Variants in GNG12 observed in about 807,000 individuals in gnomAD.
GNG12 encodes guanine nucleotide-binding protein G(I)/G(S)/G(O) subunit gamma-12.
For missense variants in GNG12, 69 were observed against 83.8 expected (o/e 0.82, Z 0.69); for synonymous variants, 28 against 29.7 (o/e 0.94, Z 0.19).
At chr1:67,752,870 C>A (rs1194173635) in intron 2 of GNG12, among the ~76,000 whole-genome samples, 1 of 152,260 alleles carries the variant, frequency 6.6e-6, no homozygotes, top group South Asian at 2.1e-4. Flanking sequence ...ACACTAAGTG[C>A]CAATTTATGT....
At chr1:67,708,311 T>C (rs1457177263) in intron 2 of GNG12, among the ~76,000 whole-genome samples, 1 of 152,120 alleles carries the variant, frequency 6.6e-6, no homozygotes, top group South Asian at 2.1e-4. Context: ...CATGAAAGAG[T>C]GAAAACTTTC....
intron 2 of GNG12, among the ~76,000 whole-genome samples, chr1:67,719,468 G>C (rs1211196813): frequency 1.3e-5 from 2 of 152,070 alleles, no homozygotes; most frequent in Non-Finnish European, 2.9e-5. Flanking sequence ...CTTATGTTTT[G>C]CTTTTTTTTG....
chr1:67,815,582 T>A (rs1215589121), intron 1 of GNG12, among the ~76,000 whole-genome samples: 1 of 152,210 alleles, frequency 6.6e-6, no homozygotes, highest in Admixed American at 6.5e-5. Context: ...AGCGGTGACG[T>A]TCTTCCTTCA....
At chr1:67,723,372 G>A (rs902053140) in intron 2 of GNG12, among the ~76,000 whole-genome samples, 2 of 152,158 alleles carry the variant, frequency 1.3e-5, no homozygotes, top group Non-Finnish European at 2.9e-5. Flanking sequence ...GGAAACAGAG[G>A]GAGTGTTAGG....
chr1:67,709,906 ATATAGTTATATATATAGT>A (rs1646273925), intron 2 of GNG12, among the ~76,000 whole-genome samples: 1 of 54,914 alleles, frequency 1.8e-5, no homozygotes, highest in African/African-American at 6.7e-5. Flanking sequence ...ATATATTTTT[ATATAGTTATATATATAGT>A]TATATATATA....
intron 2 of GNG12, among the ~76,000 whole-genome samples, chr1:67,747,871 A>G (rs192110200): frequency 1.1e-4 from 17 of 152,338 alleles, no homozygotes; most frequent in Admixed American, 1.1e-3. Context: ...TGGATCTTCT[A>G]ATTGTCCAGG....
At position 67,786,925 on chromosome 1, in the gene GNG12, T is replaced by TTATATA. The variant is rs371809712; in HGVS notation, c.-76-9424_-76-9419dup. ...GCACTCCAGCCTAGGTAACAGAGACTTATATATATATGTGTGTGTGTGTGT... is the reference window on the plus strand; with the variant it reads ...GCACTCCAGCCTAGGTAACAGAGACTTATATATATATATATATGTGTGTGTGTGTGT... On this transcript the variant is annotated intron_variant, in intron 1 of 3. Coordinates refer to ENST00000370982, the MANE Select transcript of GNG12 (RefSeq NM_018841.6). Among the ~76,000 whole-genome samples the TTATATA allele has an allele frequency of 5.1e-3, 389 of 75,770 alleles. 1 individual carries two copies. The highest frequency in any genetic ancestry group is 0.02 in the African/African-American group (336 of 16,682). The allele number at this position is 75,770 out of a possible 152,430, so 49.7% of individuals were successfully genotyped here. A position where few individuals can be genotyped will look rare whatever the true frequency, so the allele number is the denominator to read the frequency against.
intron 3 of GNG12, among the ~76,000 whole-genome samples, chr1:67,706,493 G>A (rs1646248743): frequency 6.6e-6 from 1 of 152,128 alleles, no homozygotes; most frequent in Non-Finnish European, 1.5e-5. Context: ...CTGGGAGGGA[G>A]ATCCTACAGA....
intron 2 of GNG12, among the ~76,000 whole-genome samples, chr1:67,739,146 T>A (rs901758920): frequency 6.6e-6 from 1 of 152,144 alleles, no homozygotes; most frequent in African/African-American, 2.4e-5. Context: ...ACCATTGCAC[T>A]CTAGGCTGGG....
At chr1:67,753,269 A>G (rs1314578602) in intron 2 of GNG12, among the ~76,000 whole-genome samples, 1 of 152,192 alleles carries the variant, frequency 6.6e-6, no homozygotes, top group Non-Finnish European at 1.5e-5. Flanking sequence ...GCTCTGACAT[A>G]ACACTCAAAT....
At chr1:67,705,740 G>A (rs11802819) in intron 3 of GNG12, among the ~76,000 whole-genome samples, 164 bp from the exon 4 acceptor site, 1 of 152,128 alleles carries the variant, frequency 6.6e-6, no homozygotes, top group Non-Finnish European at 1.5e-5. Flanking sequence ...AAAAGGAAAT[G>A]GTACCTTTAA....
At chr1:67,785,293 T>C (rs1160641103) in intron 1 of GNG12, among the ~76,000 whole-genome samples, 1 of 152,174 alleles carries the variant, frequency 6.6e-6, no homozygotes, top group Admixed American at 6.5e-5. Flanking sequence ...CAGTTTTTTA[T>C]ACAGGCAAAA....
intron 2 of GNG12, among the ~76,000 whole-genome samples, chr1:67,714,207 CTG>C (rs59426445): frequency 0.031 from 4,704 of 152,264 alleles, 201 homozygotes; most frequent in African/African-American, 0.095. Flanking sequence ...TCCTATAAAA[CTG>C]GGCTGGATCT....
intron 1 of GNG12, among the ~76,000 whole-genome samples, chr1:67,803,680 A>G (rs1013928657): frequency 6.6e-6 from 1 of 152,212 alleles, no homozygotes; most frequent in Non-Finnish European, 1.5e-5. Flanking sequence ...TTCCCTTTTT[A>G]GAGATGCTTA....
At chr1:67,739,678 A>G (rs557347027) in intron 2 of GNG12, among the ~76,000 whole-genome samples, 2 of 152,370 alleles carry the variant, frequency 1.3e-5, no homozygotes, top group African/African-American at 4.8e-5. Context: ...AAAATATCTG[A>G]CAGATGAACT....
intron 1 of GNG12, among the ~76,000 whole-genome samples, chr1:67,821,750 G>T (rs1646985699): frequency 6.6e-6 from 1 of 151,056 alleles, no homozygotes; most frequent in African/African-American, 2.4e-5. Flanking sequence ...CAGCTGATGT[G>T]CATTATAATT....
chr1:67,728,698 C>T (rs1646401308), intron 2 of GNG12, among the ~76,000 whole-genome samples: 1 of 152,006 alleles, frequency 6.6e-6, no homozygotes, highest in Admixed American at 6.5e-5. Flanking sequence ...CAATTGGGGA[C>T]CAGCTTATGG....
intron 1 of GNG12, among the ~76,000 whole-genome samples, chr1:67,788,271 T>C (rs1319451672): frequency 5.3e-5 from 8 of 152,168 alleles, no homozygotes; most frequent in Non-Finnish European, 8.8e-5. Context: ...CTGAAATTAG[T>C]TGTTGTTGTT....
At chr1:67,711,672 T>G (rs1314013262) in intron 2 of GNG12, among the ~76,000 whole-genome samples, 1 of 152,152 alleles carries the variant, frequency 6.6e-6, no homozygotes, top group Non-Finnish European at 1.5e-5. Context: ...GGAGAATATT[T>G]GTGACAACTA....
Sources: allele counts gnomAD v4.1 joint callset (sites outside exome capture counted in the v4.1 genomes callset), GRCh38; gene constraint gnomAD v4.1.1; transcripts MANE v1.5; gene names NCBI Gene and HGNC (gene_info 2026-07-23, HGNC 2026-07-21).